Variants in NRXN3 observed in about 807,000 individuals in gnomAD.
NRXN3 encodes neurexin III.
Under a neutral mutation model 137.6 loss-of-function variants are expected in NRXN3, and 32 were observed. The ratio of observed to expected loss-of-function variants is 0.23; its 90% CI spans 0.18 to 0.31. The LOEUF (loss-of-function observed/expected upper bound fraction) is 0.31, where lower values mean the gene tolerates loss of function less well. Among genes scored for constraint, NRXN3 ranks in the 10% least tolerant of loss-of-function variants. The pLI, the probability that NRXN3 is intolerant of heterozygous loss-of-function variation, is 1.00. For synonymous variants in NRXN3, 798 were observed against 784.5 expected (o/e 1.02, Z -0.29); for missense variants, 1,574 against 2,062.5 (o/e 0.76, Z 4.59).
intron 4 of NRXN3, among the ~76,000 whole-genome samples, chr14:78,573,745 G>C (rs1160116966): frequency 2.0e-5 from 3 of 152,170 alleles, no homozygotes; most frequent in Non-Finnish European, 4.4e-5. Context: ...AAAAGTTTGG[G>C]AAATTTGCAG....
intron 4 of NRXN3, among the ~76,000 whole-genome samples, chr14:78,326,123 T>A (rs964998257): frequency 2.6e-5 from 4 of 151,766 alleles, no homozygotes; most frequent in Admixed American, 2.6e-4. Context: ...AATGCAGGAG[T>A]TTTACTGAGC....
intron 15 of NRXN3, among the ~76,000 whole-genome samples, chr14:79,426,571 C>T (rs145806109): frequency 0.011 from 1,603 of 152,318 alleles, 30 homozygotes; most frequent in African/African-American, 0.035. Context: ...AGTCTGTTTA[C>T]AGCCACCTAT....
chr14:78,496,810 G>A (rs1302037816), intron 4 of NRXN3, among the ~76,000 whole-genome samples: 1 of 151,994 alleles, frequency 6.6e-6, no homozygotes, highest in African/African-American at 2.4e-5. Flanking sequence ...CTGGAATGCA[G>A]GGAAGAGGGA....
intron 2 of NRXN3, among the ~76,000 whole-genome samples, chr14:78,244,284 G>T (rs1402082198): frequency 6.6e-6 from 1 of 152,112 alleles, no homozygotes; most frequent in Non-Finnish European, 1.5e-5. Context: ...ACAAAAATTA[G>T]CTGGGCATGG....
At chr14:79,215,930 C>T (rs117866715) in intron 15 of NRXN3, among the ~76,000 whole-genome samples, 3,239 of 152,180 alleles carry the variant, frequency 0.021, 46 homozygotes, top group Non-Finnish European at 0.031. Context: ...TTCTGGTTAT[C>T]CATTGCTGTG....
chr14:78,668,366 C>T (rs1047226699), intron 6 of NRXN3, among the ~76,000 whole-genome samples: 2 of 152,208 alleles, frequency 1.3e-5, no homozygotes, highest in Middle Eastern at 3.4e-3. Flanking sequence ...CAGTTTCTTT[C>T]CTGGAAGATC....
At chr14:79,801,942 C>G (rs998673774) in intron 19 of NRXN3, among the ~76,000 whole-genome samples, 4 of 150,634 alleles carry the variant, frequency 2.7e-5, no homozygotes, top group Non-Finnish European at 5.9e-5. Context: ...GGGATGGTGT[C>G]ACCTAAACCA....
intron 15 of NRXN3, among the ~76,000 whole-genome samples, chr14:79,404,461 C>T (rs1437048078): frequency 1.3e-5 from 2 of 152,078 alleles, no homozygotes; most frequent in East Asian, 1.9e-4. Flanking sequence ...GTGTTTTTCT[C>T]TCCTATTCCA....
chr14:79,354,378 A>G (rs934752160), intron 15 of NRXN3, among the ~76,000 whole-genome samples: 1 of 152,216 alleles, frequency 6.6e-6, no homozygotes, highest in Non-Finnish European at 1.5e-5. Context: ...AATTTTCCAA[A>G]ACACTATAAA....
intron 10 of NRXN3, among the ~76,000 whole-genome samples, chr14:78,931,207 A>G (rs191974980): frequency 4.5e-4 from 69 of 152,238 alleles, no homozygotes; most frequent in South Asian, 2.5e-3. Flanking sequence ...GATTATTTGG[A>G]TACAAAACTA....
At chr14:79,795,553 T>A (rs2140376427) in intron 19 of NRXN3, among the ~76,000 whole-genome samples, 1 of 152,272 alleles carries the variant, frequency 6.6e-6, no homozygotes, top group South Asian at 2.1e-4. Flanking sequence ...TGACTCTCAT[T>A]TTTCCTTCAT....
intron 4 of NRXN3, among the ~76,000 whole-genome samples, chr14:78,330,270 G>T (rs1057190605): frequency 6.6e-6 from 1 of 152,152 alleles, no homozygotes; most frequent in Non-Finnish European, 1.5e-5. Flanking sequence ...TTGACCCTAA[G>T]AGATTTGGCT....
intron 16 of NRXN3, among the ~76,000 whole-genome samples, chr14:79,490,871 T>G (rs1283077783): frequency 2.6e-5 from 4 of 152,184 alleles, no homozygotes; most frequent in Non-Finnish European, 5.9e-5. Flanking sequence ...ACTGCATTCT[T>G]CATGATGTGA....
chr14:78,941,572 A>G (rs756276404), intron 10 of NRXN3, among the ~76,000 whole-genome samples: 20 of 152,256 alleles, frequency 1.3e-4, no homozygotes, highest in South Asian at 6.2e-4. Context: ...AGTTCTACCC[A>G]TCACTCACAC....
intron 16 of NRXN3, among the ~76,000 whole-genome samples, chr14:79,620,196 A>G (rs185580723): frequency 6.6e-5 from 10 of 152,284 alleles, no homozygotes; most frequent in Admixed American, 5.9e-4. Context: ...GAGTGTCCAG[A>G]GAATGATGTA....
At chr14:79,320,415 G>A (rs144384698) in intron 15 of NRXN3, among the ~76,000 whole-genome samples, 14 of 152,244 alleles carry the variant, frequency 9.2e-5, no homozygotes, top group African/African-American at 2.4e-4. Context: ...TGCAATCTCC[G>A]CATTGTTAAT....
intron 15 of NRXN3, among the ~76,000 whole-genome samples, chr14:79,147,233 G>T (rs1385938943): frequency 6.6e-6 from 1 of 152,192 alleles, no homozygotes; most frequent in Admixed American, 6.5e-5. Context: ...GAGAGCTGAC[G>T]TTGAATGCTT....
intron 15 of NRXN3, among the ~76,000 whole-genome samples, chr14:79,409,617 C>CTATATATA (rs796485268): frequency 0.053 from 5,882 of 111,878 alleles, 166 homozygotes; most frequent in Middle Eastern, 0.089. Context: ...GTGTGTGTGT[C>CTATATATA]TATATATATA....
chr14:79,078,314 G>T (rs1416861468), intron 15 of NRXN3, among the ~76,000 whole-genome samples: 1 of 152,138 alleles, frequency 6.6e-6, no homozygotes, highest in African/African-American at 2.4e-5. Flanking sequence ...CCCATAGGAG[G>T]TTAAACTTTT....
Sources: allele counts gnomAD v4.1 joint callset (sites outside exome capture counted in the v4.1 genomes callset), GRCh38; gene constraint gnomAD v4.1.1; transcripts MANE v1.5; gene names NCBI Gene and HGNC (gene_info 2026-07-23, HGNC 2026-07-21).